The following LAMA1 variants were observed in gnomAD, a reference collection of about 807,000 sequenced individuals.
LAMA1 encodes the protein laminin subunit alpha-1.
LAMA1 carries 219 observed loss-of-function variants against 348.7 expected under a neutral mutation model. The ratio of observed to expected loss-of-function variants is 0.63; its 90% CI spans 0.56 to 0.70. LAMA1 has a LOEUF of 0.70. Among genes scored for constraint, LAMA1 ranks in the 30% least tolerant of loss-of-function variants. The pLI is 0.00. For missense variants in LAMA1, 3,744 were observed against 3,888.0 expected, an observed-to-expected ratio of 0.96 and a Z score of 0.99; for synonymous variants, 1,487 against 1,491.0, an observed-to-expected ratio of 1.00 and a Z score of 0.06.
chr18:7,091,789 G>T (rs2058240703), intron 1 of LAMA1, among the ~76,000 whole-genome samples: 1 of 152,162 alleles, frequency 6.6e-6, no homozygotes, highest in Admixed American at 6.5e-5. Flanking sequence ...GACTGGTCCT[G>T]CATGTGCCTA....
At position 7,044,704 on chromosome 18, in the gene LAMA1, G is replaced by T; in HGVS notation, c.976+18C>A. 6.3e-7 allele frequency: 1 copy of T among 1,590,424 alleles called. No homozygotes were observed. Among genetic ancestry groups the T allele is most frequent in the Non-Finnish European group, 8.6e-7 (1 of 1,158,460 alleles). Reference sequence around the variant, plus strand: ...AAGAGGAAAACTGTACTGACCTTCAGATTCTAAGTATACTGACCTTCACAT... The same window carrying T: ...AAGAGGAAAACTGTACTGACCTTCATATTCTAAGTATACTGACCTTCACAT... On this transcript the variant is annotated intron_variant, in intron 7 of 62. Coordinates refer to ENST00000389658, the MANE Select transcript of LAMA1 (RefSeq NM_005559.4).
rs775334794 is a variant in LAMA1 at position 7,015,752 on chromosome 18, G to T, written c.3096C>A (p.His1032Gln). ...GVKCEECEDG[H>Q]WGYDAEVGCQ... ...ACCCCACCTCCGCATCGTAGCCCCA[G>T]TGCCCATCCTCACATTCTTCACACT... Residue 1032 changes from histidine (H) to glutamine (Q), a missense_variant, in exon 22 of 63, where the codon CAC becomes CAA. Transcript: ENST00000389658. 8.7e-6 allele frequency: 14 copies of T among 1,613,966 alleles called. No homozygotes were observed. The Admixed American group carries it at 2.2e-4, about 25-fold the overall frequency.
chr18:6,953,214 G>A (rs532708074), intron 57 of LAMA1, among the ~76,000 whole-genome samples: 3 of 147,964 alleles, frequency 2.0e-5, no homozygotes, highest in Non-Finnish European at 2.9e-5. Flanking sequence ...CGTGTCCAGC[G>A]GATCCACACC....
chr18:7,090,006 T>C (rs891548076), intron 1 of LAMA1, among the ~76,000 whole-genome samples: 1 of 152,182 alleles, frequency 6.6e-6, no homozygotes, highest in Non-Finnish European at 1.5e-5. Context: ...CAATACTACA[T>C]AGTTCCAAGA....
chr18:6,960,199 C>T (rs2057600383), intron 53 of LAMA1: 1 of 155,998 alleles, frequency 6.4e-6, no homozygotes, highest in South Asian at 2.0e-4. Context: ...AAGACAGGGA[C>T]TCAAACAAAT....
intron 48 of LAMA1, among the ~76,000 whole-genome samples, chr18:6,970,573 A>AC (rs2057653445): frequency 6.6e-6 from 1 of 151,456 alleles, no homozygotes; most frequent in South Asian, 2.1e-4. Flanking sequence ...AAGACTCCAA[A>AC]CCCTATATTC....
In LAMA1 at chr18:6,997,854, A is replaced by G. The variant is rs142773789; in HGVS notation, c.4694T>C (p.Leu1565Pro). 60 of 1,614,104 alleles carry G rather than the reference A, an allele frequency of 3.7e-5. No individual in the cohort carries two copies. Among genetic ancestry groups the G allele is most frequent in the Non-Finnish European group, 4.7e-5 (55 of 1,180,046 alleles). The stretch of plus-strand genomic sequence containing the variant: ...ATCACCAATCTCATCCAAGTCATTC[A>G]GCAGCACACCTACACACTCATCATC... Reference protein sequence around the residue: ...SCDDECVGVLLNDLDEIGDAV... With the variant: ...SCDDECVGVLPNDLDEIGDAV... The change falls in exon 33 of 63, where the codon CTG becomes CCG. Residue 1565 changes from leucine to proline, a missense_variant. Transcript: ENST00000389658.
At position 7,002,298 on chromosome 18, in the gene LAMA1, C is replaced by T; in HGVS notation, c.4348G>A (p.Ala1450Thr). 1 of 1,613,270 alleles carries T rather than the reference C, an allele frequency of 6.2e-7. No individual in the cohort carries two copies. The highest frequency in any genetic ancestry group is 8.5e-7 in the Non-Finnish European group (1 of 1,179,986). The change falls in exon 30 of 63, where the codon GCT becomes ACT. Residue 1450 changes from alanine (A) to threonine (T), a missense_variant. Physicochemically the swap from Ala to Thr is moderately conservative, Grantham distance 58 (BLOSUM62 0). This residue lies in a region of LAMA1 where 1,983 missense variants were observed against 1,934.3 expected (regional missense o/e 1.03). Transcript: ENST00000389658. Reference sequence around the variant, plus strand: ...GGGCTGTGAGGACAGGCACACAGAGCACAGTCACTTGCTGAGCCAGTCACC... The same window carrying T: ...GGGCTGTGAGGACAGGCACACAGAGTACAGTCACTTGCTGAGCCAGTCACC... Reference protein sequence around the residue: ...GKVTGSASDCALCACPHSPPA... With the variant: ...GKVTGSASDCTLCACPHSPPA...
intron 1 of LAMA1, among the ~76,000 whole-genome samples, chr18:7,105,233 G>C (rs893814913): frequency 2.0e-5 from 3 of 152,094 alleles, no homozygotes; most frequent in African/African-American, 7.2e-5. Flanking sequence ...GAGGTCAGGA[G>C]TTCTCAAGAC....
chr18:6,958,724 T>TATG, intron 54 of LAMA1, 62 bp from the exon 55 acceptor site: 1 of 1,410,318 alleles, frequency 7.1e-7, no homozygotes, highest in Non-Finnish European at 1.0e-6. Flanking sequence ...ATAATTCCAT[T>TATG]TTAGTCCATA....
intron 47 of LAMA1, 72 bp downstream of exon 47, chr18:6,972,985 C>A: frequency 6.4e-7 from 1 of 1,572,808 alleles, no homozygotes; most frequent in Non-Finnish European, 8.7e-7. Flanking sequence ...GCCACCACGC[C>A]CGGCCCATGA....
chr18:7,079,282 T>C (rs2058183389), intron 3 of LAMA1: 1 of 152,734 alleles, frequency 6.5e-6, no homozygotes, highest in Non-Finnish European at 1.5e-5. Flanking sequence ...CTCTTTTTCA[T>C]TCCTTCCACT....
At chr18:6,971,822 A>T (rs1489749852) in intron 48 of LAMA1, 35 bp downstream of exon 48, 53 of 1,613,650 alleles carry the variant, frequency 3.3e-5, no homozygotes, top group Non-Finnish European at 4.5e-5. Flanking sequence ...TTAACAGAAT[A>T]ACATACTATG....
chr18:7,078,935 C>T (rs915991874), intron 3 of LAMA1, among the ~76,000 whole-genome samples: 4 of 151,874 alleles, frequency 2.6e-5, no homozygotes, highest in South Asian at 2.1e-4. Context: ...TGCAGTGTGC[C>T]GAGATCGCGC....
chr18:6,984,314 C>T (rs1252543510), intron 39 of LAMA1, among the ~76,000 whole-genome samples: 1 of 152,178 alleles, frequency 6.6e-6, no homozygotes, highest in African/African-American at 2.4e-5. Context: ...TCCCCTTCCA[C>T]AGAACATGCA....
At chr18:7,108,667 A>AAAAAAAAAAAT (rs2058323931) in intron 1 of LAMA1, among the ~76,000 whole-genome samples, 1 of 139,134 alleles carries the variant, frequency 7.2e-6, no homozygotes, top group Non-Finnish European at 1.6e-5. Flanking sequence ...AAAAAAAAAA[A>AAAAAAAAAAAT]GCTAACTCCC....
At chr18:7,108,283 C>T (rs986845746) in intron 1 of LAMA1, among the ~76,000 whole-genome samples, 3 of 151,948 alleles carry the variant, frequency 2.0e-5, no homozygotes, top group Non-Finnish European at 2.9e-5. Flanking sequence ...TTTCTGTGAG[C>T]CGAGATGGCA....
Position 6,956,925 on chromosome 18 carries a change from C to G in LAMA1, c.7965-160G>C, listed in dbSNP as rs146661977. The G allele has an allele frequency of 1.4e-3, 1,027 of 740,848 alleles. 2 individuals are homozygous for G. The highest frequency in any genetic ancestry group is 1.9e-3 in the Middle Eastern group (6 of 3,208). The allele number at this position is 740,848 out of a possible 1,614,324, so 45.9% of individuals were successfully genotyped here. ...CAATCCTTCACTGTGACTCAGAGTCCAAACATGCTATCTTAATATTTCTTG... is the reference window on the plus strand; with the variant it reads ...CAATCCTTCACTGTGACTCAGAGTCGAAACATGCTATCTTAATATTTCTTG... On this transcript the variant is annotated intron_variant, in intron 55 of 62. Transcript: ENST00000389658.
intron 3 of LAMA1, among the ~76,000 whole-genome samples, chr18:7,073,107 CCTCTCCCAG>C: frequency 6.6e-6 from 1 of 152,290 alleles, no homozygotes; most frequent in South Asian, 2.1e-4. Context: ...CTTCCTGCTC[CCTCTCCCAG>C]CTCTCCCACA....
Sources: gnomAD v4.1 joint callset for allele counts (sites outside exome capture counted in the v4.1 genomes callset) on GRCh38, gnomAD v4.1.1 for gene constraint, gnomAD v4.1.1 regional missense constraint, MANE v1.5 for transcripts, NCBI Gene and HGNC (gene_info 2026-07-23, HGNC 2026-07-21) for gene names.